The following EBF2 variants were observed in gnomAD, a reference collection of about 807,000 sequenced individuals.
EBF2 encodes EBF transcription factor 2.
Under a neutral mutation model 72.8 loss-of-function variants are expected in EBF2, and 21 were observed. The ratio of observed to expected loss-of-function variants is 0.29; its 90% CI spans 0.20 to 0.42. EBF2 has a LOEUF of 0.42. Ranked by LOEUF, EBF2 falls within the 10% of genes least tolerant of loss-of-function variation. The pLI is 1.00. For missense variants in EBF2, 637 were observed against 731.2 expected (o/e 0.87, Z 1.49); for synonymous variants, 299 against 274.2 (o/e 1.09, Z -0.89).
intron 6 of EBF2, among the ~76,000 whole-genome samples, chr8:25,967,302 G>C (rs1023151725): frequency 6.6e-6 from 1 of 152,198 alleles, no homozygotes; most frequent in East Asian, 1.9e-4. Flanking sequence ...TTTTTGGGTA[G>C]AGAATTGGAT....
chr8:26,005,761 G>A (rs1267494451), intron 6 of EBF2, among the ~76,000 whole-genome samples: 1 of 148,486 alleles, frequency 6.7e-6, no homozygotes, highest in South Asian at 2.1e-4. Flanking sequence ...AGCCTGGGAG[G>A]TGGCGGCTGC....
intron 6 of EBF2, among the ~76,000 whole-genome samples, chr8:26,003,030 C>G (rs993236059): frequency 8.6e-5 from 13 of 152,030 alleles, no homozygotes; most frequent in Non-Finnish European, 1.8e-4. Flanking sequence ...CTGTTCTCAG[C>G]CTCATTTTGC....
At chr8:26,033,516 T>C (rs1010002165) in intron 5 of EBF2, among the ~76,000 whole-genome samples, 1 of 152,184 alleles carries the variant, frequency 6.6e-6, no homozygotes. Context: ...TGGCATGAGC[T>C]GTAGTGCCTG....
At chr8:25,923,655 T>A (rs1350410451) in intron 6 of EBF2, among the ~76,000 whole-genome samples, 1 of 152,250 alleles carries the variant, frequency 6.6e-6, no homozygotes, top group East Asian at 1.9e-4. Flanking sequence ...CCTGCTTTGT[T>A]AGCCAGGGTT....
chr8:26,034,623 C>G (rs1160146091), intron 5 of EBF2, among the ~76,000 whole-genome samples: 8 of 152,200 alleles, frequency 5.3e-5, no homozygotes, highest in Admixed American at 1.3e-4. Context: ...GGGAGCCCAT[C>G]TGCTGCCTAT....
chr8:25,938,078 A>G (rs1803608682), intron 6 of EBF2, among the ~76,000 whole-genome samples: 1 of 152,186 alleles, frequency 6.6e-6, no homozygotes, highest in Admixed American at 6.5e-5. Context: ...GTGGCATGGA[A>G]TATTTTGAGC....
At chr8:26,029,684 G>T (rs1322435919) in intron 6 of EBF2, among the ~76,000 whole-genome samples, 1 of 152,198 alleles carries the variant, frequency 6.6e-6, no homozygotes, top group Non-Finnish European at 1.5e-5. Flanking sequence ...AGGTGAGAAG[G>T]GGGAGGAGAT....
intron 6 of EBF2, among the ~76,000 whole-genome samples, chr8:26,030,426 G>A (rs914655714): frequency 6.6e-5 from 10 of 152,012 alleles, no homozygotes; most frequent in African/African-American, 9.7e-5. Context: ...GGACTGTTGT[G>A]GGGTGGGGGA....
chr8:25,875,712 C>T (rs926123026), intron 10 of EBF2, among the ~76,000 whole-genome samples: 1 of 152,168 alleles, frequency 6.6e-6, no homozygotes, highest in African/African-American at 2.4e-5. Flanking sequence ...CTCATAAGAA[C>T]CTTCCCAAGG....
chr8:25,875,262 T>C (rs949412396), intron 10 of EBF2, among the ~76,000 whole-genome samples: 12 of 152,248 alleles, frequency 7.9e-5, no homozygotes, highest in Non-Finnish European at 1.5e-5. Context: ...TGAATTGTGC[T>C]TGTGCTTTTA....
chr8:25,917,746 T>C (rs1803243360), intron 6 of EBF2, among the ~76,000 whole-genome samples: 1 of 152,068 alleles, frequency 6.6e-6, no homozygotes, highest in African/African-American at 2.4e-5. Flanking sequence ...TCAGCACCCC[T>C]TCCCCATCCT....
intron 6 of EBF2, among the ~76,000 whole-genome samples, chr8:26,026,556 A>G (rs1489209227): frequency 2.6e-5 from 4 of 152,196 alleles, no homozygotes; most frequent in Non-Finnish European, 5.9e-5. Flanking sequence ...GCTGCACTGC[A>G]CTATCCACTC....
chr8:25,918,151 A>G (rs755730552), intron 6 of EBF2, among the ~76,000 whole-genome samples: 52 of 152,234 alleles, frequency 3.4e-4, no homozygotes, highest in Non-Finnish European at 3.8e-4. Context: ...GACAAAGTTC[A>G]GAGTGTGGGC....
intron 6 of EBF2, among the ~76,000 whole-genome samples, chr8:25,981,980 A>G (rs1308533456): frequency 6.6e-6 from 1 of 152,192 alleles, no homozygotes; most frequent in Non-Finnish European, 1.5e-5. Flanking sequence ...ACCAAAGGCT[A>G]TCTGGTAGAG....
chr8:26,035,228 A>T (rs1455980491), intron 5 of EBF2, among the ~76,000 whole-genome samples: 5 of 151,866 alleles, frequency 3.3e-5, no homozygotes, highest in Admixed American at 6.6e-5. Flanking sequence ...CTGCAGTCTC[A>T]ACCTTCCAGG....
At chr8:25,878,278 T>C (rs1386281501) in intron 10 of EBF2, among the ~76,000 whole-genome samples, 2 of 152,060 alleles carry the variant, frequency 1.3e-5, no homozygotes, top group Admixed American at 6.5e-5. Context: ...TCTAGGCCTA[T>C]AGCAGCCTAG....
At chr8:25,948,519 G>A (rs1455745673) in intron 6 of EBF2, among the ~76,000 whole-genome samples, 3 of 152,148 alleles carry the variant, frequency 2.0e-5, no homozygotes, top group Non-Finnish European at 4.4e-5. Context: ...ATTCCTGATC[G>A]GATTCCTAAA....
At chr8:25,852,910 C>CACTT (rs1802012032) in intron 14 of EBF2, among the ~76,000 whole-genome samples, 1 of 152,080 alleles carries the variant, frequency 6.6e-6, no homozygotes. Context: ...AGTAAGAAGG[C>CACTT]ACTTATCTTC....
intron 13 of EBF2, among the ~76,000 whole-genome samples, chr8:25,860,111 G>A (rs1802185450): frequency 6.6e-6 from 1 of 152,112 alleles, no homozygotes; most frequent in Admixed American, 6.6e-5. Flanking sequence ...CCATTGTTAA[G>A]GACCTCATTA....
Sources: gnomAD v4.1 joint callset for allele counts (sites outside exome capture counted in the v4.1 genomes callset) on GRCh38, gnomAD v4.1.1 for gene constraint, MANE v1.5 for transcripts, NCBI Gene and HGNC (gene_info 2026-07-23, HGNC 2026-07-21) for gene names.